Variants in SULT1C2 observed in about 807,000 individuals in gnomAD.
SULT1C2 encodes the protein sulfotransferase family 1C member 2.
SULT1C2 carries 27 observed loss-of-function variants against 36.0 expected under a neutral mutation model. The ratio of observed to expected loss-of-function variants is 0.75; its 90% confidence interval spans 0.55 to 1.03. SULT1C2 has a LOEUF of 1.03. Ranked by LOEUF, SULT1C2 falls within the 50% of genes least tolerant of loss-of-function variation. SULT1C2 has a pLI of 0.00. For synonymous variants in SULT1C2, 121 were observed against 116.0 expected, an observed-to-expected ratio of 1.04 and a Z score of -0.27; for missense variants, 395 against 359.2, an observed-to-expected ratio of 1.10 and a Z score of -0.80.
intron 3 of SULT1C2, chr2:108,299,207 G>C (rs975624911): frequency 6.6e-6 from 1 of 152,278 alleles, no homozygotes; most frequent in African/African-American, 2.4e-5. Context: ...TCCAGAGGGT[G>C]AACCCACTCA....
chr2:108,305,734 G>A (rs993016505), intron 7 of SULT1C2, 139 bp downstream of exon 7: 18 of 1,122,494 alleles, frequency 1.6e-5, no homozygotes, highest in East Asian at 2.5e-5. Context: ...TAAAACCAGG[G>A]ATTTGATCCT....
chr2:108,301,155 G>A, intron 4 of SULT1C2: 1 of 562,416 alleles, frequency 1.8e-6, no homozygotes, highest in Non-Finnish European at 3.0e-6. Flanking sequence ...TGTTTGGAGG[G>A]AACTAGAGAC....
chr2:108,309,546 C>A lies in SULT1C2; in HGVS notation c.*1082C>A, dbSNP rs1677104301. On this transcript the variant is annotated 3_prime_UTR_variant, in exon 8 of 8. Transcript: ENST00000251481. Reference sequence around the variant, plus strand: ...ATTCCATAGCTGAGGGTAGTAGGAGCAGTTCACCCTGGGAGCAGACAATAA... The same window carrying A: ...ATTCCATAGCTGAGGGTAGTAGGAGAAGTTCACCCTGGGAGCAGACAATAA... The A allele has an allele frequency of 6.6e-6, 1 of 152,146 alleles. No individual in the cohort carries two copies. Among genetic ancestry groups the A allele is most frequent in the Admixed American group, 6.6e-5 (1 of 15,266 alleles). 9.4% of individuals were successfully genotyped at this position (152,146 alleles called of 1,614,324 possible). A position where few individuals can be genotyped will look rare whatever the true frequency, so the allele number is the denominator to read the frequency against.
chr2:108,293,853 C>A, intron 2 of SULT1C2, 35 bp downstream of exon 2: 2 of 1,605,334 alleles, frequency 1.2e-6, no homozygotes, highest in Non-Finnish European at 1.7e-6. Context: ...CAAAGACCTG[C>A]TGAGCCAGCA....
At position 108,297,269 on chromosome 2, in the gene SULT1C2, CA is replaced by C. The variant is rs533297183; in HGVS notation, c.277+2916del. Among the ~76,000 whole-genome samples the C allele has an allele frequency of 1.2e-3, 182 of 152,254 alleles. 1 individual carries two copies. Among genetic ancestry groups the C allele is most frequent in the Non-Finnish European group, 2.2e-3 (151 of 68,022 alleles). ...AGGGCTACTGGCAGGGTGAGGGGAA[CA>C]TGGCCAATGAACCGTTCCTGGAGGT... is the stretch of plus-strand genomic sequence containing the variant. On this transcript the variant is annotated intron_variant, in intron 3 of 7. Coordinates refer to ENST00000251481, the MANE Select transcript of SULT1C2 (RefSeq NM_001056.4).
intron 7 of SULT1C2, among the ~76,000 whole-genome samples, chr2:108,306,101 G>A (rs970689650): frequency 7.2e-5 from 11 of 152,110 alleles, no homozygotes; most frequent in African/African-American, 2.4e-4. Flanking sequence ...AACTTCTGAT[G>A]ACTCAGTTTC....
At position 108,294,273 on chromosome 2, in the gene SULT1C2, G is replaced by A; in HGVS notation, c.196G>A (p.Gly66Arg). 1.2e-6 allele frequency: 2 copies of A among 1,614,136 alleles called. No homozygotes were observed. Among genetic ancestry groups the A allele is most frequent in the Non-Finnish European group, 8.5e-7 (1 of 1,180,018 alleles). Residue 66 changes from glycine (G) to arginine (R), a missense_variant, in exon 3 of 8, where the codon GGG becomes AGG. Coordinates refer to ENST00000251481, the MANE Select transcript of SULT1C2 (RefSeq NM_001056.4). ...QEIVDMIEQN[G>R]DVEKCQRAII... ...AATTGTGGATATGATTGAACAGAATGGGGACGTGGAGAAGTGCCAGCGAGC... is the reference window on the plus strand; with the variant it reads ...AATTGTGGATATGATTGAACAGAATAGGGACGTGGAGAAGTGCCAGCGAGC...
rs17036053 is a variant in SULT1C2 at position 108,291,899 on chromosome 2, T to C, written c.-21-1748T>C. ...ACTGTCCAAACTCCACCTTCTTTGATGTATTATAAATACAACTGCTTCTCA... is the reference window on the plus strand; with the variant it reads ...ACTGTCCAAACTCCACCTTCTTTGACGTATTATAAATACAACTGCTTCTCA... On this transcript the variant is annotated intron_variant, in intron 1 of 7. Coordinates refer to ENST00000251481, the MANE Select transcript of SULT1C2 (RefSeq NM_001056.4). Among the ~76,000 whole-genome samples the C allele has an allele frequency of 7.5e-3, 1,146 of 152,382 alleles. 28 individuals carry two copies. In the East Asian group the frequency reaches 0.091, roughly 12 times the overall value.
In SULT1C2 at chr2:108,303,569, T is replaced by G. The variant is rs1232813304; in HGVS notation, c.376-1005T>G. The G allele has an allele frequency of 3.3e-5, 5 of 152,176 alleles. No homozygotes were observed. The South Asian group carries it at 1.0e-3, about 32-fold the overall frequency. 9.4% of individuals were successfully genotyped at this position (152,176 alleles called of 1,614,324 possible). On this transcript the variant is annotated intron_variant, in intron 4 of 7. Transcript: ENST00000251481. ...TGTAAAAGCCCAACAGTGGAAGTGT[T>G]GGGGGTATAGGCTCTGGGGTGTTGT... is the stretch of plus-strand genomic sequence containing the variant.
intron 1 of SULT1C2, 39 bp from the exon 2 acceptor site, chr2:108,293,608 A>G: frequency 6.5e-7 from 1 of 1,537,694 alleles, no homozygotes; most frequent in Non-Finnish European, 8.8e-7. Context: ...ATATTTTACC[A>G]CAACTTCTTT....
At chr2:108,289,146 G>C (rs1676532593) in intron 1 of SULT1C2, 76 bp downstream of exon 1, 1 of 152,594 alleles carries the variant, frequency 6.6e-6, no homozygotes. Context: ...CATAGGTGTG[G>C]CTTTACAGAT....
At chr2:108,289,318 C>G (rs575999048) in intron 1 of SULT1C2, among the ~76,000 whole-genome samples, 4 of 152,214 alleles carry the variant, frequency 2.6e-5, no homozygotes, top group Admixed American at 2.6e-4. Flanking sequence ...TGTCTCCCAC[C>G]CTGATCTTTT....
intron 1 of SULT1C2, among the ~76,000 whole-genome samples, chr2:108,290,431 G>A (rs973531541): frequency 2.0e-5 from 3 of 152,184 alleles, no homozygotes; most frequent in East Asian, 3.8e-4. Context: ...TTCAACATAT[G>A]AACTTAGAGA....
At chr2:108,292,562 C>T (rs900108769) in intron 1 of SULT1C2, among the ~76,000 whole-genome samples, 12 of 152,008 alleles carry the variant, frequency 7.9e-5, no homozygotes, top group African/African-American at 2.7e-4. Flanking sequence ...TATTTATCAC[C>T]GCACAACCAT....
At chr2:108,308,280 T>TA in intron 7 of SULT1C2, 72 bp from the exon 8 acceptor site, 5 of 1,416,618 alleles carry the variant, frequency 3.5e-6, no homozygotes, top group Non-Finnish European at 4.8e-6. Flanking sequence ...GTATGGGCAC[T>TA]ACACCACTTT....
intron 7 of SULT1C2, among the ~76,000 whole-genome samples, chr2:108,305,899 C>T (rs1472769655): frequency 1.3e-5 from 2 of 152,190 alleles, no homozygotes; most frequent in African/African-American, 4.8e-5. Context: ...GAAGAGGAGC[C>T]ACCACTGGTC....
At chr2:108,302,417 G>C (rs572445056) in intron 4 of SULT1C2, 1 of 152,322 alleles carries the variant, frequency 6.6e-6, no homozygotes, top group Non-Finnish European at 1.5e-5. Flanking sequence ...CTCCCTCGGG[G>C]TTTGAGATTG....
chr2:108,295,779 G>T (rs972944623), intron 3 of SULT1C2, among the ~76,000 whole-genome samples: 1 of 152,140 alleles, frequency 6.6e-6, no homozygotes, highest in African/African-American at 2.4e-5. Context: ...TGTGTTCCCT[G>T]ATTATCTAAG....
At chr2:108,289,766 A>G (rs1676546091) in intron 1 of SULT1C2, among the ~76,000 whole-genome samples, 1 of 152,074 alleles carries the variant, frequency 6.6e-6, no homozygotes. Context: ...GGTGAGAAGG[A>G]CTTGGGACTT....
Sources: gnomAD v4.1 joint callset for allele counts (sites outside exome capture counted in the v4.1 genomes callset) on GRCh38, gnomAD v4.1.1 for gene constraint, MANE v1.5 for transcripts, NCBI Gene and HGNC (gene_info 2026-07-23, HGNC 2026-07-21) for gene names.